The following PAX2 variants were observed in gnomAD, a reference collection of about 807,000 sequenced individuals.
PAX2 encodes paired box 2.
In PAX2, 9 loss-of-function variants were observed where a neutral mutation model predicts 41.7. That is an observed-to-expected ratio of 0.22 (90% CI 0.13 to 0.38). The LOEUF is 0.38. Among genes scored for constraint, PAX2 ranks in the 10% least tolerant of loss-of-function variants. The probability of loss-of-function intolerance (pLI) is 1.00; values close to 1 mark genes in which losing one functional copy is unlikely to be tolerated. For synonymous variants in PAX2, 221 were observed against 212.7 expected, an observed-to-expected ratio of 1.04 and a Z score of -0.34; for missense variants, 418 against 531.6, an observed-to-expected ratio of 0.79 and a Z score of 2.10.
chr10:100,821,782 C>CAG (rs1554867582), intron 7 of PAX2, among the ~76,000 whole-genome samples: 1 of 152,190 alleles, frequency 6.6e-6, no homozygotes, highest in Non-Finnish European at 1.5e-5. Flanking sequence ...AACCAGAATT[C>CAG]AGATGCATTT....
At chr10:100,743,677 C>T (rs1845044181), upstream of PAX2, among the ~76,000 whole-genome samples, 1 of 152,200 alleles carries the variant, frequency 6.6e-6, no homozygotes, top group Non-Finnish European at 1.5e-5. Context: ...TGTTACTTTT[C>T]GGCTGCCCGA....
At chr10:100,796,033 A>T (rs1260992913) in intron 5 of PAX2, among the ~76,000 whole-genome samples, 4 of 152,080 alleles carry the variant, frequency 2.6e-5, no homozygotes, top group Non-Finnish European at 5.9e-5. Context: ...TGTCTTCCTG[A>T]CAGGCTCATG....
chr10:100,778,741 T>C (rs916834809), intron 3 of PAX2, among the ~76,000 whole-genome samples: 1 of 152,158 alleles, frequency 6.6e-6, no homozygotes, highest in African/African-American at 2.4e-5. Flanking sequence ...CTCCCCAGGA[T>C]GTACAGGGAG....
At position 100,749,549 on chromosome 10, in the gene PAX2, G is replaced by A. The variant is rs939372183; in HGVS notation, c.44-197G>A. 17 of 1,377,264 alleles carry A rather than the reference G, an allele frequency of 1.2e-5. No individual in the cohort carries two copies. In the Admixed American group the frequency reaches 5.7e-4, roughly 46 times the overall value. The allele number at this position is 1,377,264 out of a possible 1,614,324, so 85.3% of individuals were successfully genotyped here. On this transcript the variant is annotated intron_variant, in intron 1 of 9. Coordinates refer to ENST00000355243, the MANE Select transcript of PAX2 (RefSeq NM_000278.5). ...GAGTCGCCCTCTCGCCCAGCCCCCAGTCTTCAGCCCAGCGTCTGTGCTTCC... is the reference window on the plus strand; with the variant it reads ...GAGTCGCCCTCTCGCCCAGCCCCCAATCTTCAGCCCAGCGTCTGTGCTTCC...
chr10:100,793,313 G>T (rs912038024), intron 5 of PAX2, among the ~76,000 whole-genome samples: 1 of 152,198 alleles, frequency 6.6e-6, no homozygotes, highest in East Asian at 1.9e-4. Context: ...TGATCTCCTC[G>T]GGGAATTCCC....
chr10:100,756,894 G>A (rs771785307), intron 3 of PAX2, among the ~76,000 whole-genome samples: 15 of 152,314 alleles, frequency 9.8e-5, no homozygotes, highest in Middle Eastern at 3.4e-3. Flanking sequence ...CAGCCATGCA[G>A]TTGAGTCCAG....
At position 100,824,941 on chromosome 10, in the gene PAX2, C is replaced by G. The variant is rs770361497; in HGVS notation, c.1021+192C>G. 6.2e-7 allele frequency: 1 copy of G among 1,614,076 alleles called. No homozygotes were observed. The highest frequency in any genetic ancestry group is 1.7e-5 in the Admixed American group (1 of 60,024). On this transcript the variant is annotated intron_variant, in intron 8 of 9. Coordinates refer to ENST00000355243, the MANE Select transcript of PAX2 (RefSeq NM_000278.5). The surrounding 1 kb of genome is among the most constrained non-coding windows in gnomAD (Gnocchi z 6.6). ...CCCTCATCCTCCCTCATGAGCAAGC[C>G]GGGGAGGAAGCTTGCAGAAGTGCCC...
intron 7 of PAX2, among the ~76,000 whole-genome samples, chr10:100,815,091 G>A (rs971483034): frequency 3.3e-5 from 5 of 152,148 alleles, no homozygotes; most frequent in Admixed American, 2.0e-4. Flanking sequence ...GTGGACCCTG[G>A]GAAACCTCCT....
intron 6 of PAX2, among the ~76,000 whole-genome samples, chr10:100,807,266 C>A (rs1312882105): frequency 6.6e-6 from 1 of 152,146 alleles, no homozygotes; most frequent in East Asian, 1.9e-4. Context: ...TGTGCATGTG[C>A]TCACACTCCA....
chr10:100,818,659 G>T (rs1211303145), intron 7 of PAX2, among the ~76,000 whole-genome samples: 2 of 152,148 alleles, frequency 1.3e-5, no homozygotes, highest in Non-Finnish European at 2.9e-5. Flanking sequence ...TGAGGGATCA[G>T]TTAACCCCAA....
chr10:100,766,808 C>T (rs576128427), intron 3 of PAX2, among the ~76,000 whole-genome samples: 1 of 152,206 alleles, frequency 6.6e-6, no homozygotes, highest in South Asian at 2.1e-4. Context: ...AAGCAATTAC[C>T]GAATCATACA....
chr10:100,747,536 A>C (rs1163943402), intron 1 of PAX2: 1 of 786,574 alleles, frequency 1.3e-6, no homozygotes, highest in African/African-American at 1.9e-5. Flanking sequence ...TCTGCAGATT[A>C]ATAATTAAGG....
At position 100,827,638 on chromosome 10, in the gene PAX2, C is replaced by G; in HGVS notation, c.*19C>G. ...CCACTAGTTACCGCGGGGACCACAT[C>G]AAGCTTCAGGCCGACAGCTTCGGCC... On this transcript the variant is annotated 3_prime_UTR_variant, in exon 10 of 10. Transcript: ENST00000355243. The surrounding 1 kb of genome is among the most constrained non-coding windows in gnomAD (Gnocchi z 8.5). 1 of 1,613,990 alleles carries G rather than the reference C, an allele frequency of 6.2e-7. No individual in the cohort carries two copies. The highest frequency in any genetic ancestry group is 1.1e-5 in the South Asian group (1 of 91,084).
chr10:100,761,107 G>A (rs1325656401), intron 3 of PAX2, among the ~76,000 whole-genome samples: 1 of 152,166 alleles, frequency 6.6e-6, no homozygotes, highest in East Asian at 1.9e-4. Context: ...AGAAGTGGGA[G>A]CCAGATGTGA....
intron 3 of PAX2, among the ~76,000 whole-genome samples, chr10:100,769,684 C>T (rs12218154): frequency 7.5e-6 from 1 of 134,086 alleles, no homozygotes; most frequent in Non-Finnish European, 1.6e-5. Context: ...AAATAAAAAA[C>T]AAAAAACAAG....
intron 3 of PAX2, among the ~76,000 whole-genome samples, chr10:100,767,445 G>T (rs1846066796): frequency 6.6e-6 from 1 of 152,132 alleles, no homozygotes; most frequent in African/African-American, 2.4e-5. Flanking sequence ...CCTGGTTGGG[G>T]TTTAATAAGA....
chr10:100,799,718 A>T (rs1847472971), intron 5 of PAX2, among the ~76,000 whole-genome samples: 1 of 152,114 alleles, frequency 6.6e-6, no homozygotes, highest in East Asian at 1.9e-4. Context: ...TGAAAGCCCT[A>T]ATATCATTAC....
chr10:100,779,892 C>T (rs1846544814), intron 4 of PAX2, among the ~76,000 whole-genome samples: 2 of 151,972 alleles, frequency 1.3e-5, no homozygotes, highest in East Asian at 1.9e-4. Context: ...TTCTTCTCCT[C>T]CTCCTGCTTC....
chr10:100,805,712 C>T (rs2077642), intron 5 of PAX2, among the ~76,000 whole-genome samples: 77,990 of 152,078 alleles, frequency 0.51, 23,883 homozygotes, highest in East Asian at 0.91. Context: ...GAGCCTGGGT[C>T]TAGGTTGGAG....
Sources: allele counts gnomAD v4.1 joint callset (sites outside exome capture counted in the v4.1 genomes callset), GRCh38; gene constraint gnomAD v4.1.1; non-coding constraint Gnocchi (gnomAD v3.1); transcripts MANE v1.5; gene names NCBI Gene and HGNC (gene_info 2026-07-23, HGNC 2026-07-21).